The following CCS variants were observed in gnomAD, a reference collection of about 807,000 sequenced individuals.
CCS encodes copper chaperone for superoxide dismutase, also known as superoxide dismutase copper chaperone.
A neutral mutation model predicts 35.5 loss-of-function variants in CCS; 32 were observed. The observed-to-expected ratio is 0.90, with a 90% confidence interval of 0.68 to 1.21. The LOEUF (loss-of-function observed/expected upper bound fraction) is 1.21, where lower values mean the gene tolerates loss of function less well. Among genes scored for constraint, CCS ranks in the 50% most tolerant of loss-of-function variants. The pLI is 0.00. For synonymous variants in CCS, 130 were observed against 147.2 expected, an observed-to-expected ratio of 0.88 and a Z score of 0.84; for missense variants, 342 against 375.4, an observed-to-expected ratio of 0.91 and a Z score of 0.73.
chr11:66,597,265 T>C (rs578221966), intron 2 of CCS, among the ~76,000 whole-genome samples: 8 of 152,086 alleles, frequency 5.3e-5, no homozygotes, highest in Non-Finnish European at 8.8e-5. Context: ...GAGACCATTC[T>C]GGCTAACACG....
chr11:66,599,679 A>G, intron 4 of CCS, 43 bp downstream of exon 4: 3 of 1,563,996 alleles, frequency 1.9e-6, no homozygotes, highest in Non-Finnish European at 2.6e-6. Context: ...TCAGCTACAC[A>G]TTTTCACACT....
chr11:66,600,567 T>TTTGGGC lies in CCS; in HGVS notation c.489+26_489+31dup. 1 of 1,474,884 alleles carries TTTGGGC rather than the reference T, an allele frequency of 6.8e-7. No individual in the cohort carries two copies. The highest frequency in any genetic ancestry group is 1.8e-4 in the Middle Eastern group (1 of 5,536). 91.4% of individuals were successfully genotyped at this position (1,474,884 alleles called of 1,614,324 possible). ...CTGACCGGGTAAGTGTCTGTCTGGG[T>TTTGGGC]TTGGGCTTGGGCTGAGAGAGGACCC... On this transcript the variant is annotated intron_variant, in intron 5 of 7. Transcript: ENST00000533244.
intron 5 of CCS, among the ~76,000 whole-genome samples, chr11:66,603,270 C>G (rs1327128317): frequency 1.3e-5 from 2 of 152,226 alleles, no homozygotes; most frequent in Non-Finnish European, 2.9e-5. Context: ...CCAGGCTGCC[C>G]CCTGCCTTGA....
intron 4 of CCS, chr11:66,599,850 C>G (rs952812860): frequency 4.0e-6 from 2 of 504,264 alleles, no homozygotes; most frequent in Middle Eastern, 5.0e-4. Context: ...GGCACAGTAG[C>G]TCACACCTGT....
chr11:66,599,961 C>CA (rs1209925429), intron 4 of CCS: 125 of 238,768 alleles, frequency 5.2e-4, no homozygotes, highest in Middle Eastern at 1.4e-3. Context: ...ACTAACAATA[C>CA]AAAAAAAAAT....
rs143028922 is a variant in CCS at position 66,605,099 on chromosome 11, C to T, written c.490-240C>T. On this transcript the variant is annotated intron_variant, in intron 5 of 7. Transcript: ENST00000533244. ...GTCATCCTGCCCAGGATTTCAGTTC[C>T]AGGGAGGGAGTGTTCAGATGGTCCG... 1,383 of 1,485,938 alleles carry T rather than the reference C, an allele frequency of 9.3e-4. 9 individuals are homozygous for T. The African/African-American group carries it at 0.017, about 18-fold the overall frequency. The allele number at this position is 1,485,938 out of a possible 1,614,324, so 92.0% of individuals were successfully genotyped here.
At chr11:66,593,395 T>C in intron 1 of CCS, 95 bp downstream of exon 1, 1 of 1,318,088 alleles carries the variant, frequency 7.6e-7, no homozygotes, top group Non-Finnish European at 1.0e-6. Flanking sequence ...GAGTGGGCAC[T>C]TGGGTTGGGG....
At chr11:66,594,015 C>T (rs1858430072) in intron 2 of CCS, among the ~76,000 whole-genome samples, 1 of 152,152 alleles carries the variant, frequency 6.6e-6, no homozygotes, top group Non-Finnish European at 1.5e-5. Context: ...TGGGAAACAA[C>T]ATAATCTTGA....
chr11:66,593,621 T>G, intron 1 of CCS, 21 bp from the exon 2 acceptor site: 1 of 1,612,242 alleles, frequency 6.2e-7, no homozygotes, highest in Non-Finnish European at 8.5e-7. Context: ...GATCATCGGT[T>G]GGTCCCTGCC....
At chr11:66,596,743 C>T (rs1472100998) in intron 2 of CCS, among the ~76,000 whole-genome samples, 1 of 152,126 alleles carries the variant, frequency 6.6e-6, no homozygotes. Flanking sequence ...ACAGAGCTGG[C>T]GGCCTAGGAG....
chr11:66,604,613 CT>C (rs1858624712), intron 5 of CCS, among the ~76,000 whole-genome samples: 1 of 152,186 alleles, frequency 6.6e-6, no homozygotes, highest in African/African-American at 2.4e-5. Context: ...GTCATCACCC[CT>C]AGTCTGTTCT....
rs1177548511 is a variant in CCS, at chr11:66,605,359, T to C, written c.510T>C (p.Asn170=). ...TCCAGCACCGCGGAGACCTGGGCAA[T>C]GTCCGTGCTGATGCTGACGGCCGCG... ...DSDRHRGDLG[N]VRADADGRAI... is the part of the protein sequence containing the mutation. Residue 170 remains asparagine (N), a synonymous_variant, in exon 6 of 8, where the codon AAT becomes AAC. Transcript: ENST00000533244. 7 of 1,614,116 alleles carry C rather than the reference T, an allele frequency of 4.3e-6. No homozygotes were observed. The highest frequency in any genetic ancestry group is 3.4e-6 in the Non-Finnish European group (4 of 1,180,018).
intron 2 of CCS, among the ~76,000 whole-genome samples, chr11:66,595,089 A>G (rs1363657676): frequency 6.6e-6 from 1 of 152,196 alleles, no homozygotes; most frequent in Non-Finnish European, 1.5e-5. Flanking sequence ...GACTTCATGC[A>G]TGTTACTTTT....
Position 66,605,694 on chromosome 11 carries a change from T to G in CCS, c.672-8T>G. ...GGTACCCACCCCTGACCACACATTC[T>G]TCTGCAGGTTGGCCTGTGGCATCAT... On this transcript the variant is annotated splice_region_variant and splice_polypyrimidine_tract_variant and intron_variant, in intron 7 of 7. Coordinates refer to ENST00000533244, the MANE Select transcript of CCS (RefSeq NM_005125.2). 1 of 1,577,338 alleles carries G rather than the reference T, an allele frequency of 6.3e-7. No homozygotes were observed. Among genetic ancestry groups the G allele is most frequent in the Non-Finnish European group, 8.6e-7 (1 of 1,160,596 alleles).
intron 5 of CCS, among the ~76,000 whole-genome samples, chr11:66,601,835 G>A (rs1013487967): frequency 5.9e-5 from 9 of 152,082 alleles, no homozygotes; most frequent in Admixed American, 5.9e-4. Flanking sequence ...CGGCCTCCCA[G>A]TGTTAGGATT....
intron 4 of CCS, 24 bp from the exon 5 acceptor site, chr11:66,600,465 C>A: frequency 1.3e-6 from 2 of 1,487,088 alleles, no homozygotes; most frequent in Non-Finnish European, 1.8e-6. Flanking sequence ...GCTTTCCTGC[C>A]CACCTGTTTC....
intron 5 of CCS, chr11:66,605,130 T>G: frequency 6.6e-7 from 1 of 1,526,558 alleles, no homozygotes; most frequent in Non-Finnish European, 8.8e-7. Flanking sequence ...GTCCGGGACT[T>G]CCTGGACCAC....
intron 1 of CCS, 156 bp from the exon 2 acceptor site, chr11:66,593,486 G>C: frequency 3.2e-6 from 3 of 949,086 alleles, no homozygotes; most frequent in Non-Finnish European, 4.8e-6. Context: ...CCATGGTCCT[G>C]GAATGGTCAT....
chr11:66,593,847 C>A, intron 2 of CCS, 133 bp downstream of exon 2: 1 of 822,902 alleles, frequency 1.2e-6, no homozygotes, highest in Non-Finnish European at 2.0e-6. Context: ...GGCATGTTCT[C>A]AGAGTTACAC....
Sources: gnomAD v4.1 joint callset for allele counts (sites outside exome capture counted in the v4.1 genomes callset) on GRCh38, gnomAD v4.1.1 for gene constraint, MANE v1.5 for transcripts, NCBI Gene and HGNC (gene_info 2026-07-23, HGNC 2026-07-21) for gene names.